AGBL4: variants seen among roughly 807,000 people sequenced by gnomAD.
AGBL4 encodes cytosolic carboxypeptidase 6.
Under a neutral mutation model 66.4 loss-of-function variants are expected in AGBL4, and 58 were observed. That is an observed-to-expected ratio of 0.87 (90% CI 0.71 to 1.09). The LOEUF is 1.09. AGBL4 is among the 50% of genes least tolerant of loss of function. The pLI, the probability that AGBL4 is intolerant of heterozygous loss-of-function variation, is 0.00. For missense variants in AGBL4, 579 were observed against 631.0 expected (o/e 0.92, Z 0.88); for synonymous variants, 234 against 222.9 (o/e 1.05, Z -0.44).
chr1:49,960,935 T>C (rs1411337144), intron 1 of AGBL4, among the ~76,000 whole-genome samples: 1 of 151,988 alleles, frequency 6.6e-6, no homozygotes, highest in Non-Finnish European at 1.5e-5. Context: ...CACGTGAATA[T>C]CTGTGAGCCA....
At chr1:48,997,105 T>G (rs1333566193) in intron 5 of AGBL4, among the ~76,000 whole-genome samples, 1 of 152,000 alleles carries the variant, frequency 6.6e-6, no homozygotes, top group Non-Finnish European at 1.5e-5. Context: ...GTAATTTTAG[T>G]AGAGATGGGG....
chr1:49,015,710 C>A (rs1460645304), intron 5 of AGBL4, among the ~76,000 whole-genome samples: 1 of 152,050 alleles, frequency 6.6e-6, no homozygotes, highest in Non-Finnish European at 1.5e-5. Context: ...AGGCTTGAGC[C>A]ACCGCGCCTG....
intron 6 of AGBL4, among the ~76,000 whole-genome samples, chr1:48,766,472 C>T (rs896565909): frequency 6.6e-5 from 10 of 152,212 alleles, no homozygotes; most frequent in African/African-American, 2.4e-4. Context: ...CACTTTCTTG[C>T]CAGACCACGT....
At chr1:49,669,032 C>T (rs1368316662) in intron 3 of AGBL4, among the ~76,000 whole-genome samples, 1 of 152,120 alleles carries the variant, frequency 6.6e-6, no homozygotes, top group Non-Finnish European at 1.5e-5. Context: ...GATAATGTTT[C>T]TGTCCTCAAG....
chr1:49,335,087 T>G (rs1332212358), intron 3 of AGBL4, among the ~76,000 whole-genome samples: 1 of 152,246 alleles, frequency 6.6e-6, no homozygotes, highest in African/African-American at 2.4e-5. Flanking sequence ...AATAGGCATC[T>G]TAGACTTCAT....
At chr1:48,675,558 G>T (rs756835751) in intron 6 of AGBL4, among the ~76,000 whole-genome samples, 7 of 152,298 alleles carry the variant, frequency 4.6e-5, no homozygotes, top group Middle Eastern at 3.4e-3. Flanking sequence ...CTCAATAATG[G>T]ATTTTAAAAC....
intron 1 of AGBL4, among the ~76,000 whole-genome samples, chr1:49,925,642 C>G (rs908742170): frequency 6.6e-5 from 10 of 152,222 alleles, no homozygotes; most frequent in Non-Finnish European, 1.0e-4. Flanking sequence ...CAAAGAGGAG[C>G]CCACTGCAAT....
chr1:49,833,633 T>C (rs1177017391), intron 2 of AGBL4, among the ~76,000 whole-genome samples: 1 of 152,180 alleles, frequency 6.6e-6, no homozygotes, highest in African/African-American at 2.4e-5. Context: ...GAGCATGGAA[T>C]GTTCTTCCAT....
chr1:49,484,797 A>G (rs1647029736), intron 3 of AGBL4, among the ~76,000 whole-genome samples: 1 of 152,068 alleles, frequency 6.6e-6, no homozygotes, highest in Non-Finnish European at 1.5e-5. Context: ...GGGGATAAAT[A>G]TCTCATTCTT....
At chr1:49,889,401 A>G (rs562728502) in intron 1 of AGBL4, among the ~76,000 whole-genome samples, 40 of 152,280 alleles carry the variant, frequency 2.6e-4, no homozygotes, top group East Asian at 1.5e-3. Context: ...TTCTTTTTCA[A>G]TTCACTGAAG....
chr1:48,619,349 T>C (rs1054027805), intron 9 of AGBL4, among the ~76,000 whole-genome samples: 2 of 152,118 alleles, frequency 1.3e-5, no homozygotes, highest in Non-Finnish European at 2.9e-5. Flanking sequence ...GAGTCATAAA[T>C]GTGTGCAGCA....
At chr1:49,544,756 C>T (rs1028872492) in intron 3 of AGBL4, among the ~76,000 whole-genome samples, 1 of 152,222 alleles carries the variant, frequency 6.6e-6, no homozygotes, top group African/African-American at 2.4e-5. Flanking sequence ...CTGTGGCATA[C>T]AGATTTGACT....
intron 7 of AGBL4, among the ~76,000 whole-genome samples, chr1:48,656,339 G>A (rs968018764): frequency 2.0e-4 from 31 of 152,358 alleles, no homozygotes; most frequent in South Asian, 2.1e-4. Context: ...AACGCCTATT[G>A]ATGGATTGCT....
intron 1 of AGBL4, among the ~76,000 whole-genome samples, chr1:49,951,146 T>C (rs974887628): frequency 1.3e-5 from 2 of 151,804 alleles, no homozygotes; most frequent in Non-Finnish European, 2.9e-5. Context: ...GAAAAATACC[T>C]ATTGTACAGC....
chr1:48,707,823 A>C (rs1219813569), intron 6 of AGBL4, among the ~76,000 whole-genome samples: 3 of 152,148 alleles, frequency 2.0e-5, no homozygotes, highest in Admixed American at 2.0e-4. Flanking sequence ...TCAGGTTCTC[A>C]CATGCCTGAC....
intron 3 of AGBL4, among the ~76,000 whole-genome samples, chr1:49,259,376 G>C (rs1318025412): frequency 7.2e-5 from 11 of 152,152 alleles, no homozygotes; most frequent in South Asian, 2.1e-4. Flanking sequence ...TGGATAAAGA[G>C]TCAAGACCCA....
chr1:49,831,137 C>T (rs1381299063), intron 2 of AGBL4, among the ~76,000 whole-genome samples: 1 of 151,956 alleles, frequency 6.6e-6, no homozygotes, highest in African/African-American at 2.4e-5. Flanking sequence ...TTTTCTAATT[C>T]TGTGAAGAAA....
chr1:49,564,950 T>C (rs1053712161), intron 3 of AGBL4, among the ~76,000 whole-genome samples: 5 of 152,174 alleles, frequency 3.3e-5, no homozygotes, highest in African/African-American at 7.2e-5. Flanking sequence ...CTAAGTCTCT[T>C]TGTAGGTCTC....
intron 5 of AGBL4, among the ~76,000 whole-genome samples, chr1:48,890,015 T>TGTGC (rs1650785489): frequency 6.9e-6 from 1 of 145,324 alleles, no homozygotes; most frequent in East Asian, 2.2e-4. Context: ...TGTGTGTGTG[T>TGTGC]GTGCATTTAG....
Sources: gnomAD v4.1 joint callset for allele counts (sites outside exome capture counted in the v4.1 genomes callset) on GRCh38, gnomAD v4.1.1 for gene constraint, MANE v1.5 for transcripts, NCBI Gene and HGNC (gene_info 2026-07-23, HGNC 2026-07-21) for gene names.